The following ANTXRL variants were observed in gnomAD, a reference collection of about 807,000 sequenced individuals.
ANTXRL encodes the protein ANTXR like, also known as anthrax toxin receptor-like.
In ANTXRL, 63 loss-of-function variants were observed where a neutral mutation model predicts 75.4. The ratio of observed to expected loss-of-function variants is 0.84; its 90% CI spans 0.68 to 1.03. ANTXRL has a LOEUF of 1.03. Ranked by LOEUF, ANTXRL falls within the 50% of genes least tolerant of loss-of-function variation. The probability of loss-of-function intolerance (pLI) is 0.00; values close to 1 mark genes in which losing one functional copy is unlikely to be tolerated. For synonymous variants in ANTXRL, 335 were observed against 291.3 expected (o/e 1.15, Z -1.53); for missense variants, 797 against 789.4 (o/e 1.01, Z -0.12).
intron 10 of ANTXRL, among the ~76,000 whole-genome samples, chr10:46,305,146 A>T (rs1438357233): frequency 1.3e-5 from 2 of 152,108 alleles, no homozygotes; most frequent in Non-Finnish European, 2.9e-5. Flanking sequence ...ACCACTGAAC[A>T]CGCCTCCCCT....
Position 46,329,942 on chromosome 10 carries a change from C to A in ANTXRL, c.1754C>A (p.Pro585His), listed in dbSNP as rs150056754. 1.8e-4 allele frequency: 269 copies of A among 1,535,848 alleles called. 4 individuals carry two copies. The East Asian group carries it at 5.4e-3, about 31-fold the overall frequency. Residue 585 changes from proline (P) to histidine (H), a missense_variant, in exon 17 of 17, where the codon CCC becomes CAC. This residue lies in a region of ANTXRL where 479 missense variants were observed against 422.0 expected (regional missense o/e 1.14). Transcript: ENST00000620264. ...CTTCAACCCAGCCGGGAGTGCCTCC[C>A]CCTCACCTGCTCCTCCAGGTGCCGC... is the stretch of plus-strand genomic sequence containing the variant. ...SCLQPSRECL[P>H]LTCSSRCRLP...
At position 46,296,247 on chromosome 10, in the gene ANTXRL, C is replaced by G; in HGVS notation, c.503C>G (p.Ser168Cys). 6.5e-7 allele frequency: 1 copy of G among 1,535,826 alleles called. No individual in the cohort carries two copies. The highest frequency in any genetic ancestry group is 8.7e-7 in the Non-Finnish European group (1 of 1,146,738). The change falls in exon 5 of 17, where the codon TCC (serine) becomes TGC (cysteine). Residue 168 changes from serine to cysteine, a missense_variant. Transcript: ENST00000620264. ...ATTCAACAGATCGAAAGTTTCAACT[C>G]CGGAAGTAAGCACCTGCCGTCCCCC... ...KAIQQIESFN[S>C]GNKVPSMIIA...
rs150005423 is a variant in ANTXRL at position 46,326,787 on chromosome 10, A to G, written c.1411-2812A>G. ...AGTGGTGGGTGGAATACAGTGCTGA[A>G]CCTTCTTGAGCCCCAAGGAAACGTG... On this transcript the variant is annotated intron_variant, in intron 16 of 16. Transcript: ENST00000620264. 7.0e-4 allele frequency among the ~76,000 whole-genome samples: 107 copies of G among 152,120 alleles called. 2 individuals are homozygous for G. Among genetic ancestry groups the G allele is most frequent in the African/African-American group, 2.5e-3 (102 of 41,476 alleles).
intron 15 of ANTXRL, 131 bp from the exon 16 acceptor site, chr10:46,313,105 C>A: frequency 1.2e-6 from 1 of 841,086 alleles, no homozygotes; most frequent in Non-Finnish European, 1.9e-6. Context: ...AGGCCCCTCC[C>A]CCAGAGGGGG....
chr10:46,292,086 G>C lies in ANTXRL; in HGVS notation c.277G>C (p.Asp93His), dbSNP rs1554956642. ...TGGCAGCGTGAACAATAACTGGATT[G>C]ACCTTTATATGTGGGTGGAGGAAAC... ...KSGSVNNNWI[D>H]LYMWVEETVA... is the part of the protein sequence containing the mutation. The change falls in exon 2 of 17, where the codon GAC becomes CAC. Residue 93 changes from aspartate (D) to histidine (H), a missense_variant. Around this residue, in one of 3 missense-constraint regions of ANTXRL, gnomAD observed 262 missense variants for 271.9 expected, o/e 0.96. Transcript: ENST00000620264. 2.6e-6 allele frequency: 4 copies of C among 1,536,310 alleles called. No homozygotes were observed. In the South Asian group the frequency reaches 4.8e-5, roughly 18 times the overall value.
intron 2 of ANTXRL, among the ~76,000 whole-genome samples, chr10:46,293,565 C>CTGTGTGTGAG (rs1837180127): frequency 7.0e-6 from 1 of 142,658 alleles, no homozygotes; most frequent in Non-Finnish European, 1.5e-5. Flanking sequence ...GAGTGTGTGC[C>CTGTGTGTGAG]TGTGTGTGCG....
chr10:46,302,718 G>A lies in ANTXRL; in HGVS notation c.797-4G>A. On this transcript the variant is annotated splice_polypyrimidine_tract_variant and splice_region_variant and intron_variant, in intron 9 of 16. Transcript: ENST00000620264. ...ACTCAGCCTTTTGAATGTTGTCCTT[G>A]CAGAACCCTACCATGTGGTTATTCA... is the stretch of plus-strand genomic sequence containing the variant. The A allele has an allele frequency of 6.5e-7, 1 of 1,534,154 alleles. No individual in the cohort carries two copies. The highest frequency in any genetic ancestry group is 8.7e-7 in the Non-Finnish European group (1 of 1,144,852).
chr10:46,308,324 C>G (rs1284542219), intron 12 of ANTXRL: 1 of 390,454 alleles, frequency 2.6e-6, no homozygotes, highest in Non-Finnish European at 5.1e-6. Context: ...GCTCCCACCT[C>G]GCCAGCGGCC....
intron 11 of ANTXRL, 58 bp from the exon 12 acceptor site, chr10:46,307,344 G>A: frequency 7.9e-7 from 1 of 1,265,274 alleles, no homozygotes; most frequent in Non-Finnish European, 1.1e-6. Flanking sequence ...TGCTGTCCAA[G>A]GGCAAGAACT....
intron 13 of ANTXRL, among the ~76,000 whole-genome samples, chr10:46,309,506 G>A (rs1260778372): frequency 3.9e-5 from 6 of 152,328 alleles, no homozygotes; most frequent in African/African-American, 1.4e-4. Context: ...CTGAAACCAG[G>A]GCTGCCTCAA....
rs1228009873 is a variant in ANTXRL at position 46,313,300 on chromosome 10, G to T, written c.1394G>T (p.Cys465Phe). The change falls in exon 16 of 17, where the codon TGT becomes TTT. Residue 465 changes from cysteine to phenylalanine, a missense_variant. Cys to Phe is a radical substitution (Grantham distance 205). This residue lies in a region of ANTXRL where 479 missense variants were observed against 422.0 expected (regional missense o/e 1.14). Coordinates refer to ENST00000620264, the MANE Select transcript of ANTXRL (RefSeq NM_001278688.3). Reference protein sequence around the residue: ...ASCHQVPWMCCQSRDQGRYLS... With the variant: ...ASCHQVPWMCFQSRDQGRYLS... ...TGCCACCAGGTGCCATGGATGTGTTGTCAGAGCAGGGACCAGGTGAGCTAG... is the reference window on the plus strand; with the variant it reads ...TGCCACCAGGTGCCATGGATGTGTTTTCAGAGCAGGGACCAGGTGAGCTAG... 3 of 1,535,810 alleles carry T rather than the reference G, an allele frequency of 2.0e-6. No homozygotes were observed. The highest frequency in any genetic ancestry group is 2.6e-6 in the Non-Finnish European group (3 of 1,146,746).
chr10:46,294,689 G>A (rs1837258472), intron 3 of ANTXRL, among the ~76,000 whole-genome samples: 1 of 152,162 alleles, frequency 6.6e-6, no homozygotes, highest in African/African-American at 2.4e-5. Context: ...CTGGGTGGGT[G>A]TGAGGTGGTA....
Position 46,288,823 on chromosome 10 carries a change from A to G in ANTXRL, c.248+1313A>G, listed in dbSNP as rs782670395. 2.6e-4 allele frequency among the ~76,000 whole-genome samples: 40 copies of G among 152,174 alleles called. 1 individual carries two copies. The highest frequency in any genetic ancestry group is 1.5e-5 in the Non-Finnish European group (1 of 68,032). On this transcript the variant is annotated intron_variant, in intron 1 of 16. Transcript: ENST00000620264. ...CAGAGGCCCTGATGTAATCCCAGAC[A>G]GACTGGATGAGGGGGAATGCAGAGG... is the stretch of plus-strand genomic sequence containing the variant.
In ANTXRL at chr10:46,304,366, A is replaced by T. The variant is rs1362148151; in HGVS notation, c.895+1546A>T. On this transcript the variant is annotated intron_variant, in intron 10 of 16. Transcript: ENST00000620264. ...TAGTAATGTGCATAATCAGGGAGGT[A>T]AAGAAGACATAGGCTTTTAAAGGAG... 1.9e-4 allele frequency among the ~76,000 whole-genome samples: 29 copies of T among 152,130 alleles called. 1 individual carries two copies. Among genetic ancestry groups the T allele is most frequent in the Admixed American group, 1.8e-3 (28 of 15,256 alleles).
chr10:46,297,143 C>T (rs1837427994), intron 5 of ANTXRL, 109 bp from the exon 6 acceptor site: 8 of 911,326 alleles, frequency 8.8e-6, no homozygotes, highest in Non-Finnish European at 1.2e-5. Flanking sequence ...CGTGGCCATG[C>T]CCTGGAGTGG....
intron 15 of ANTXRL, 126 bp from the exon 16 acceptor site, chr10:46,313,110 A>T: frequency 1.2e-6 from 1 of 843,404 alleles, no homozygotes; most frequent in Non-Finnish European, 1.9e-6. Flanking sequence ...CCTCCCCCAG[A>T]GGGGGATGGG....
chr10:46,329,125 A>G (rs1588878772), intron 16 of ANTXRL, among the ~76,000 whole-genome samples: 1 of 152,262 alleles, frequency 6.6e-6, no homozygotes, highest in East Asian at 1.9e-4. Flanking sequence ...TGCTCTTCCT[A>G]CGGGTCTGGA....
intron 10 of ANTXRL, 77 bp from the exon 11 acceptor site, chr10:46,306,726 C>T: frequency 4.7e-6 from 6 of 1,290,156 alleles, no homozygotes; most frequent in Admixed American, 2.5e-5. Context: ...GTCAGCCCTG[C>T]ATGCTGAGGA....
rs575366665 is a variant in ANTXRL at position 46,297,400 on chromosome 10, C to T, written c.586-6C>T. Reference sequence around the variant, plus strand: ...TGACCAATATGCAATGCCTTCTTTCCCTTAGGCTCAAAAGGCTCGGAAACT... The same window carrying T: ...TGACCAATATGCAATGCCTTCTTTCTCTTAGGCTCAAAAGGCTCGGAAACT... On this transcript the variant is annotated splice_polypyrimidine_tract_variant and splice_region_variant and intron_variant, in intron 6 of 16. Coordinates refer to ENST00000620264, the MANE Select transcript of ANTXRL (RefSeq NM_001278688.3). 1 of 1,535,982 alleles carries T rather than the reference C, an allele frequency of 6.5e-7. No homozygotes were observed. Among genetic ancestry groups the T allele is most frequent in the Non-Finnish European group, 8.7e-7 (1 of 1,146,780 alleles).
Sources: allele counts gnomAD v4.1 joint callset (sites outside exome capture counted in the v4.1 genomes callset), GRCh38; gene constraint gnomAD v4.1.1; regional missense constraint gnomAD v4.1.1; transcripts MANE v1.5; gene names NCBI Gene and HGNC (gene_info 2026-07-23, HGNC 2026-07-21).